REEP3: variants seen among roughly 807,000 people sequenced by gnomAD.
REEP3 encodes the protein receptor accessory protein 3.
A neutral mutation model predicts 41.3 loss-of-function variants in REEP3; 20 were observed. The observed-to-expected ratio is 0.48, with a 90% CI of 0.34 to 0.70. The LOEUF is 0.70. Ranked by LOEUF, REEP3 falls within the 30% of genes least tolerant of loss-of-function variation. The pLI is 0.01. For synonymous variants in REEP3, 104 were observed against 101.8 expected, an observed-to-expected ratio of 1.02 and a Z score of -0.13; for missense variants, 271 against 308.8, an observed-to-expected ratio of 0.88 and a Z score of 0.92.
intron 2 of REEP3, among the ~76,000 whole-genome samples, chr10:63,581,654 G>A (rs1350659698): frequency 6.6e-6 from 1 of 151,702 alleles, no homozygotes; most frequent in Non-Finnish European, 1.5e-5. Flanking sequence ...GAGGGAGGAA[G>A]ATCGCTTGAG....
intron 2 of REEP3, among the ~76,000 whole-genome samples, chr10:63,573,183 A>G (rs1427762124): frequency 6.6e-6 from 1 of 152,236 alleles, no homozygotes; most frequent in Non-Finnish European, 1.5e-5. Context: ...ACAAATGGAA[A>G]GTACTGTGTA....
chr10:63,574,930 C>T (rs747997782), intron 2 of REEP3, among the ~76,000 whole-genome samples: 1 of 134,942 alleles, frequency 7.4e-6, no homozygotes, highest in Non-Finnish European at 1.5e-5. Context: ...CGACTTGGCT[C>T]ACGGCAACCT....
At chr10:63,524,464 G>A (rs1955339514) in intron 1 of REEP3, among the ~76,000 whole-genome samples, 1 of 151,716 alleles carries the variant, frequency 6.6e-6, no homozygotes, top group Non-Finnish European at 1.5e-5. Flanking sequence ...TTGAGACAGA[G>A]TCTCTCTCTG....
intron 5 of REEP3, among the ~76,000 whole-genome samples, chr10:63,609,982 A>G (rs1956265103): frequency 6.6e-6 from 1 of 152,186 alleles, no homozygotes; most frequent in African/African-American, 2.4e-5. Context: ...TTACTTTGAA[A>G]TGCATGAAAA....
At chr10:63,528,672 C>T in intron 1 of REEP3, among the ~76,000 whole-genome samples, 1 of 152,116 alleles carries the variant, frequency 6.6e-6, no homozygotes, top group Non-Finnish European at 1.5e-5. Flanking sequence ...GACTTTTTTC[C>T]ATCTCAAACC....
chr10:63,591,536 A>G (rs1026013101), intron 2 of REEP3, among the ~76,000 whole-genome samples: 5 of 152,316 alleles, frequency 3.3e-5, no homozygotes, highest in African/African-American at 9.6e-5. Flanking sequence ...GAAATACCCT[A>G]TTGATTAGAT....
chr10:63,549,186 C>T (rs771564701), intron 1 of REEP3, among the ~76,000 whole-genome samples: 8 of 152,128 alleles, frequency 5.3e-5, no homozygotes, highest in Non-Finnish European at 5.9e-5. Context: ...TGTAGGTAGT[C>T]TAATAGCATA....
chr10:63,599,233 C>T lies in REEP3; in HGVS notation c.367C>T (p.Arg123Trp), dbSNP rs562968137. The change falls in exon 5 of 8, where the codon CGG becomes TGG. Residue 123 changes from arginine (R) to tryptophan (W), a missense_variant. Arg to Trp is a moderately radical substitution (Grantham distance 101, BLOSUM62 -3). Coordinates refer to ENST00000373758, the MANE Select transcript of REEP3 (RefSeq NM_001001330.3). ...CTATGAAACCATGGTAAACTTTGGA[C>T]GGCAAGGTTTAAACCTTGCAGCTAC... Reference protein sequence around the residue: ...RGYETMVNFGRQGLNLAATAA... With the variant: ...RGYETMVNFGWQGLNLAATAA... 22 of 1,588,500 alleles carry T rather than the reference C, an allele frequency of 1.4e-5. No individual in the cohort carries two copies. The highest frequency in any genetic ancestry group is 3.5e-5 in the South Asian group (3 of 86,216).
chr10:63,526,908 T>C lies in REEP3; in HGVS notation c.32+5331T>C, dbSNP rs546746522. Reference sequence around the variant, plus strand: ...AATATAGTTCGCCTTCTTTGTTTTTTATTTTGTGATTTCTTGATCATTTCT... The same window carrying C: ...AATATAGTTCGCCTTCTTTGTTTTTCATTTTGTGATTTCTTGATCATTTCT... On this transcript the variant is annotated intron_variant, in intron 1 of 7. Coordinates refer to ENST00000373758, the MANE Select transcript of REEP3 (RefSeq NM_001001330.3). Among the ~76,000 whole-genome samples, 7 of 152,308 alleles carry C rather than the reference T, an allele frequency of 4.6e-5. 1 individual carries two copies. The highest frequency in any genetic ancestry group is 4.6e-4 in the Admixed American group (7 of 15,304).
intron 6 of REEP3, among the ~76,000 whole-genome samples, chr10:63,618,251 T>C (rs2133437414): frequency 7.8e-6 from 1 of 128,548 alleles, no homozygotes; most frequent in East Asian, 2.2e-4. Context: ...TTTTTTTTTT[T>C]TTTTTTTTTT....
At chr10:63,611,496 CATG>C (rs1171028792) in intron 6 of REEP3, among the ~76,000 whole-genome samples, 1 of 152,114 alleles carries the variant, frequency 6.6e-6, no homozygotes, top group African/African-American at 2.4e-5. Flanking sequence ...AAAAAACTAT[CATG>C]ATCTTAGAAA....
chr10:63,534,401 CCACCACAT>C, intron 1 of REEP3, among the ~76,000 whole-genome samples: 1 of 152,096 alleles, frequency 6.6e-6, no homozygotes, highest in Non-Finnish European at 1.5e-5. Context: ...TAAGCACACA[CCACCACAT>C]CCAGCTAATT....
intron 1 of REEP3, among the ~76,000 whole-genome samples, chr10:63,529,496 C>T (rs948175499): frequency 3.3e-5 from 5 of 152,174 alleles, no homozygotes; most frequent in African/African-American, 1.2e-4. Flanking sequence ...TTCACTCTGT[C>T]ATCCAGGCTG....
chr10:63,594,643 A>C, intron 2 of REEP3, 135 bp from the exon 3 acceptor site: 1 of 639,570 alleles, frequency 1.6e-6, no homozygotes, highest in South Asian at 1.9e-5. Flanking sequence ...GTTTGACCCA[A>C]CATACTATGT....
At chr10:63,534,690 A>C (rs1444051700) in intron 1 of REEP3, among the ~76,000 whole-genome samples, 1 of 152,240 alleles carries the variant, frequency 6.6e-6, no homozygotes, top group East Asian at 1.9e-4. Flanking sequence ...AAAGTCTTAC[A>C]GTGCTTTAAC....
chr10:63,547,802 C>T lies in REEP3; in HGVS notation c.33-18536C>T, dbSNP rs190857984. On this transcript the variant is annotated intron_variant, in intron 1 of 7. Transcript: ENST00000373758. ...GGGCACACTCACACTCATGCATAACCTCTTTATTAAGAGTTGGATGCCTCA... is the reference window on the plus strand; with the variant it reads ...GGGCACACTCACACTCATGCATAACTTCTTTATTAAGAGTTGGATGCCTCA... Among the ~76,000 whole-genome samples, 193 of 152,308 alleles carry T rather than the reference C, an allele frequency of 1.3e-3. 2 individuals are homozygous for T. Among genetic ancestry groups the T allele is most frequent in the African/African-American group, 4.2e-3 (176 of 41,568 alleles).
At chr10:63,587,133 A>G (rs1956015395) in intron 2 of REEP3, among the ~76,000 whole-genome samples, 1 of 152,178 alleles carries the variant, frequency 6.6e-6, no homozygotes, top group Admixed American at 6.5e-5. Flanking sequence ...TGTAGACTGA[A>G]TGCAGATGAT....
At chr10:63,593,227 T>C (rs1229471066) in intron 2 of REEP3, among the ~76,000 whole-genome samples, 2 of 152,242 alleles carry the variant, frequency 1.3e-5, no homozygotes, top group Non-Finnish European at 2.9e-5. Context: ...CAAGCATCTG[T>C]ATTAAAACTA....
chr10:63,534,390 A>G (rs1035934649), intron 1 of REEP3, among the ~76,000 whole-genome samples: 1 of 152,132 alleles, frequency 6.6e-6, no homozygotes, highest in Admixed American at 6.6e-5. Flanking sequence ...AGCTAGAACT[A>G]TAAGCACACA....
Sources: allele counts gnomAD v4.1 joint callset (sites outside exome capture counted in the v4.1 genomes callset), GRCh38; gene constraint gnomAD v4.1.1; transcripts MANE v1.5; gene names NCBI Gene and HGNC (gene_info 2026-07-23, HGNC 2026-07-21).